Variants in ARHGEF18 observed in about 807,000 individuals in gnomAD.
The protein encoded by ARHGEF18 is Rho/Rac guanine nucleotide exchange factor 18.
A neutral mutation model predicts 155.7 loss-of-function variants in ARHGEF18; 93 were observed. That is an observed-to-expected ratio of 0.60 (90% CI 0.50 to 0.71). ARHGEF18 has a LOEUF of 0.71. Among genes scored for constraint, ARHGEF18 ranks in the 30% least tolerant of loss-of-function variants. The probability of loss-of-function intolerance (pLI) is 0.00; values close to 1 mark genes in which losing one functional copy is unlikely to be tolerated. For missense variants in ARHGEF18, 1,593 were observed against 1,816.1 expected, an observed-to-expected ratio of 0.88 and a Z score of 2.23; for synonymous variants, 742 against 753.1, an observed-to-expected ratio of 0.99 and a Z score of 0.24.
intron 15 of ARHGEF18, among the ~76,000 whole-genome samples, chr19:7,447,850 C>T (rs1975092776): frequency 6.6e-6 from 1 of 151,874 alleles, no homozygotes; most frequent in African/African-American, 2.4e-5. Flanking sequence ...AAAAATTAGC[C>T]AGGCATGGTG....
At chr19:7,477,468 C>T (rs752693004), downstream of ARHGEF18, 14 of 1,383,490 alleles carry the variant, frequency 1.0e-5, no homozygotes, top group South Asian at 1.6e-5. Context: ...CTTACACTCA[C>T]GCTCACACCT....
In ARHGEF18 at chr19:7,372,885, G is replaced by A; in HGVS notation, c.89G>A (p.Ser30Asn). The A allele has an allele frequency of 8.1e-7, 1 of 1,234,542 alleles. No homozygotes were observed. The highest frequency in any genetic ancestry group is 1.0e-6 in the Non-Finnish European group (1 of 988,284). 76.5% of individuals were successfully genotyped at this position (1,234,542 alleles called of 1,614,324 possible). A position where few individuals can be genotyped will look rare whatever the true frequency, so the allele number is the denominator to read the frequency against. ...CTGGATTTGGGGGCCCTTCAGGGCA[G>A]CGAGTATCTGCAGGACCTGGGCCTT... ...LSLDLGALQG[S>N]EYLQDLGLGA... is the part of the protein sequence containing the mutation. The change falls in exon 3 of 29, where the codon AGC becomes AAC. Residue 30 changes from serine to asparagine, a missense_variant. Physicochemically the swap from Ser to Asn is conservative, Grantham distance 46. Coordinates refer to ENST00000668164, the MANE Select transcript of ARHGEF18 (RefSeq NM_001367823.1).
chr19:7,413,013 A>G (rs995256310), intron 10 of ARHGEF18, among the ~76,000 whole-genome samples: 1 of 152,290 alleles, frequency 6.6e-6, no homozygotes, highest in African/African-American at 2.4e-5. Flanking sequence ...AAAGCAAGTC[A>G]CAGTTTCCCG....
intron 17 of ARHGEF18, among the ~76,000 whole-genome samples, chr19:7,454,537 A>G (rs1214523955): frequency 6.6e-6 from 1 of 151,828 alleles, no homozygotes; most frequent in Non-Finnish European, 1.5e-5. Context: ...GCCCTCTTGG[A>G]TCAGTGGGCA....
intron 8 of ARHGEF18, among the ~76,000 whole-genome samples, chr19:7,381,468 A>G (rs1391689259): frequency 6.6e-6 from 1 of 152,066 alleles, no homozygotes; most frequent in East Asian, 1.9e-4. Context: ...ATCTGAGGTC[A>G]GGAGTTCAAG....
At position 7,463,796 on chromosome 19, in the gene ARHGEF18, T is replaced by A; in HGVS notation, c.2636-22T>A. The A allele has an allele frequency of 3.8e-6, 6 of 1,595,552 alleles. No individual in the cohort carries two copies. Among genetic ancestry groups the A allele is most frequent in the Non-Finnish European group, 5.1e-6 (6 of 1,171,188 alleles). On this transcript the variant is annotated intron_variant, in intron 21 of 28. Transcript: ENST00000668164. This position sits in a 1 kb window ranked among gnomAD's most constrained non-coding sequence, Gnocchi z 5.2. ...ACACTTCCGCAGGGCGACCCGTGCC[T>A]CCTGTCCCCTTCCTTCCACAGTCGA...
At chr19:7,437,082 AAC>A (rs1168730678) in intron 10 of ARHGEF18, among the ~76,000 whole-genome samples, 3 of 152,146 alleles carry the variant, frequency 2.0e-5, no homozygotes, top group Non-Finnish European at 4.4e-5. Flanking sequence ...GAAAATCTCT[AAC>A]ACACACTCAC....
Position 7,362,843 on chromosome 19 carries a change from A to C in ARHGEF18, c.-48A>C. 1 of 1,234,286 alleles carries C rather than the reference A, an allele frequency of 8.1e-7. No homozygotes were observed. The allele number at this position is 1,234,286 out of a possible 1,614,324, so 76.5% of individuals were successfully genotyped here. A position where few individuals can be genotyped will look rare whatever the true frequency, so the allele number is the denominator to read the frequency against. On this transcript the variant is annotated 5_prime_UTR_variant, in exon 2 of 29. Transcript: ENST00000668164. ...TGGAGCTGTGGCTTCAGCCACCAAG[A>C]GCAGCAGTGGATCCTGGAAACCTGA...
chr19:7,440,335 C>G lies in ARHGEF18; in HGVS notation c.968-9C>G, dbSNP rs1257395077. On this transcript the variant is annotated splice_polypyrimidine_tract_variant and intron_variant, in intron 10 of 28. Transcript: ENST00000668164. The surrounding 1 kb of genome is among the most constrained non-coding windows in gnomAD (Gnocchi z 5.4). Reference sequence around the variant, plus strand: ...CTCAGCACCAACTCTGTCCTTGCCTCTGTCACAGCCTCGCTCAAGGAGCAC... The same window carrying G: ...CTCAGCACCAACTCTGTCCTTGCCTGTGTCACAGCCTCGCTCAAGGAGCAC... The G allele has an allele frequency of 2.5e-6, 4 of 1,612,004 alleles. No homozygotes were observed. In the African/African-American group the frequency reaches 4.0e-5, roughly 16 times the overall value.
chr19:7,444,539 C>A lies in ARHGEF18; in HGVS notation c.1611+85C>A. The A allele has an allele frequency of 6.5e-7, 1 of 1,531,240 alleles. No homozygotes were observed. The highest frequency in any genetic ancestry group is 1.3e-5 in the South Asian group (1 of 79,742). The allele number at this position is 1,531,240 out of a possible 1,614,324, so 94.9% of individuals were successfully genotyped here. ...TTCTTCTTTTTTTCTGAGATAGGGT[C>A]TTGCCGTGTCGCCCAGGCTGGAGTG... is the stretch of plus-strand genomic sequence containing the variant. On this transcript the variant is annotated intron_variant, in intron 14 of 28. Transcript: ENST00000668164. This position sits in a 1 kb window ranked among gnomAD's most constrained non-coding sequence, Gnocchi z 4.7.
chr19:7,416,623 G>C (rs1451959979), intron 10 of ARHGEF18, among the ~76,000 whole-genome samples: 2 of 45,506 alleles, frequency 4.4e-5, no homozygotes, highest in African/African-American at 1.4e-4. Context: ...TTTTTTTTGA[G>C]ACAGAGTCTT....
downstream of ARHGEF18, chr19:7,473,486 A>G (rs1443851649): frequency 2.8e-6 from 1 of 354,570 alleles, no homozygotes; most frequent in South Asian, 2.2e-5. Context: ...CCTGGGCAAC[A>G]TAGTGAAACC....
intron 10 of ARHGEF18, among the ~76,000 whole-genome samples, chr19:7,416,628 A>G (rs1973038999): frequency 7.8e-6 from 1 of 127,822 alleles, no homozygotes; most frequent in Non-Finnish European, 1.6e-5. Flanking sequence ...TTTGAGACAG[A>G]GTCTTGCTCT....
In ARHGEF18 at chr19:7,467,445, C is replaced by T. The variant is rs1600550064; in HGVS notation, c.3241C>T (p.Leu1081=). ...ERERQWQHQE[L]ERAGARLQER... ...CGAGCGCCAGTGGCAGCACCAGGAG[C>T]TGGAGCGTGCGGGCGCGCGGCTGCA... The change falls in exon 26 of 29, where the codon CTG becomes TTG. Residue 1081 remains leucine (L), a synonymous_variant. Transcript: ENST00000668164. 6.5e-7 allele frequency: 1 copy of T among 1,528,466 alleles called. No individual in the cohort carries two copies. Among genetic ancestry groups the T allele is most frequent in the South Asian group, 1.2e-5 (1 of 83,720 alleles). 94.7% of individuals were successfully genotyped at this position (1,528,466 alleles called of 1,614,324 possible).
chr19:7,350,771 T>G (rs1226343992), intron 1 of ARHGEF18, among the ~76,000 whole-genome samples: 31 of 23,538 alleles, frequency 1.3e-3, no homozygotes, highest in East Asian at 0.01. Context: ...GGGGTGGGTG[T>G]GTGTGTGTGT....
intron 8 of ARHGEF18, among the ~76,000 whole-genome samples, chr19:7,381,913 C>G (rs991172869): frequency 2.0e-5 from 3 of 152,098 alleles, no homozygotes; most frequent in African/African-American, 7.2e-5. Context: ...AGAAGCCACT[C>G]GGACTGGGAT....
intron 10 of ARHGEF18, among the ~76,000 whole-genome samples, chr19:7,425,592 G>T (rs149156582): frequency 6.6e-6 from 1 of 151,584 alleles, no homozygotes; most frequent in Admixed American, 6.6e-5. Flanking sequence ...TGAGGCAGGA[G>T]AATTGCTTGA....
intron 10 of ARHGEF18, among the ~76,000 whole-genome samples, chr19:7,403,683 G>T (rs1972142354): frequency 6.6e-6 from 1 of 151,924 alleles, no homozygotes; most frequent in South Asian, 2.1e-4. Flanking sequence ...CACTACAGGT[G>T]TGCGCCACCG....
intron 3 of ARHGEF18, among the ~76,000 whole-genome samples, chr19:7,374,420 T>C (rs1265533189): frequency 1.3e-5 from 2 of 152,054 alleles, no homozygotes; most frequent in East Asian, 3.9e-4. Flanking sequence ...CTCACACCTA[T>C]AATCCCAGCA....
Sources: allele counts gnomAD v4.1 joint callset (sites outside exome capture counted in the v4.1 genomes callset), GRCh38; gene constraint gnomAD v4.1.1; non-coding constraint Gnocchi (gnomAD v3.1); transcripts MANE v1.5; gene names NCBI Gene and HGNC (gene_info 2026-07-23, HGNC 2026-07-21).